PDE3B: variants seen among roughly 807,000 people sequenced by gnomAD.
PDE3B encodes the protein phosphodiesterase 3B.
A neutral mutation model predicts 116.8 loss-of-function variants in PDE3B; 66 were observed. That is an observed-to-expected ratio of 0.56 (90% CI 0.46 to 0.69). The LOEUF is 0.69. PDE3B is among the 30% of genes least tolerant of loss of function. The pLI is 0.00. For synonymous variants in PDE3B, 595 were observed against 533.6 expected (o/e 1.12, Z -1.59); for missense variants, 1,384 against 1,368.1 (o/e 1.01, Z -0.18).
chr11:14,853,482 T>G (rs782646088), intron 12 of PDE3B, among the ~76,000 whole-genome samples: 21 of 152,202 alleles, frequency 1.4e-4, no homozygotes, highest in Non-Finnish European at 5.9e-5. Context: ...TAACGAAGTT[T>G]ATGAGGCCTT....
intron 4 of PDE3B, 77 bp from the exon 5 acceptor site, chr11:14,803,867 A>G (rs2133934604): frequency 1.2e-6 from 1 of 831,288 alleles, no homozygotes; most frequent in Non-Finnish European, 2.0e-6. Context: ...TTTGCTAATT[A>G]AATTGAGAAC....
chr11:14,795,392 A>G (rs1858522464), intron 4 of PDE3B, among the ~76,000 whole-genome samples: 1 of 152,194 alleles, frequency 6.6e-6, no homozygotes. Flanking sequence ...CCTTCCTGCC[A>G]ACTATTAGTA....
the PDE3B span, chr11:14,887,727 T>C: frequency 1.4e-6 from 1 of 733,468 alleles, no homozygotes; most frequent in Non-Finnish European, 1.7e-6. Context: ...ACTCCATACA[T>C]CCTTCAAGTG....
chr11:14,673,946 A>T (rs1854454224), intron 1 of PDE3B: 4 of 1,365,530 alleles, frequency 2.9e-6, no homozygotes, highest in Non-Finnish European at 4.2e-6. Context: ...TGTTTCCACC[A>T]GATTTCTTGT....
intron 2 of PDE3B, among the ~76,000 whole-genome samples, chr11:14,778,743 A>G (rs946514649): frequency 1.1e-4 from 17 of 152,200 alleles, no homozygotes; most frequent in Non-Finnish European, 2.4e-4. Flanking sequence ...TGAAAATTCT[A>G]AAAATCAGAG....
At position 14,644,412 on chromosome 11, in the gene PDE3B, A is replaced by G; in HGVS notation, c.337A>G (p.Ser113Gly). The change falls in exon 1 of 16, where the codon AGC becomes GGC. Residue 113 changes from serine to glycine, a missense_variant. Around this residue, in one of 2 missense-constraint regions of PDE3B, gnomAD observed 956 missense variants for 806.8 expected, o/e 1.18. Transcript: ENST00000282096. ...GGCCGCCTGGCTGCGGACGCTGCTGAGCGTGTGTTCGCACAGCTTGAGCCC... is the reference window on the plus strand; with the variant it reads ...GGCCGCCTGGCTGCGGACGCTGCTGGGCGTGTGTTCGCACAGCTTGAGCCC... ...AGAAWLRTLL[S>G]VCSHSLSPLF... 1 of 1,610,176 alleles carries G rather than the reference A, an allele frequency of 6.2e-7. No individual in the cohort carries two copies. Among genetic ancestry groups the G allele is most frequent in the Non-Finnish European group, 8.5e-7 (1 of 1,178,620 alleles).
intron 5 of PDE3B, among the ~76,000 whole-genome samples, chr11:14,817,919 C>T (rs1859383923): frequency 6.6e-6 from 1 of 152,060 alleles, no homozygotes; most frequent in Non-Finnish European, 1.5e-5. Context: ...TTTAGTCATA[C>T]TGTTCACATT....
At chr11:14,772,979 A>G (rs1282690489) in intron 2 of PDE3B, 1 of 151,928 alleles carries the variant, frequency 6.6e-6, no homozygotes, top group East Asian at 1.9e-4. Flanking sequence ...ATGTTATTGT[A>G]CTTTCTAGGA....
chr11:14,780,016 A>G (rs1226840974), intron 2 of PDE3B, among the ~76,000 whole-genome samples: 1 of 152,096 alleles, frequency 6.6e-6, no homozygotes, highest in East Asian at 1.9e-4. Context: ...AGGGGTTGCA[A>G]TCCTAGTCTC....
chr11:14,848,489 G>C (rs1258836023), intron 12 of PDE3B, among the ~76,000 whole-genome samples: 2 of 151,864 alleles, frequency 1.3e-5, no homozygotes, highest in Non-Finnish European at 1.5e-5. Context: ...TTCGGGCCAG[G>C]GCAATTAGGC....
At chr11:14,847,078 A>G (rs1287738873) in intron 12 of PDE3B, among the ~76,000 whole-genome samples, 1 of 152,194 alleles carries the variant, frequency 6.6e-6, no homozygotes, top group African/African-American at 2.4e-5. Flanking sequence ...AAAATTGACC[A>G]TATAGTTGGA....
At chr11:14,680,381 G>A (rs890304575) in intron 1 of PDE3B, among the ~76,000 whole-genome samples, 8 of 152,066 alleles carry the variant, frequency 5.3e-5, no homozygotes, top group Non-Finnish European at 1.2e-4. Context: ...CTCCTTTGGT[G>A]CTGTTTGGCC....
chr11:14,834,463 T>A (rs1024852765), intron 10 of PDE3B, among the ~76,000 whole-genome samples: 2 of 152,198 alleles, frequency 1.3e-5, no homozygotes, highest in African/African-American at 2.4e-5. Context: ...TTTCACATAG[T>A]TGAATTTCAG....
chr11:14,739,413 T>C (rs1231633444), intron 1 of PDE3B, among the ~76,000 whole-genome samples: 2 of 152,186 alleles, frequency 1.3e-5, no homozygotes, highest in South Asian at 2.1e-4. Flanking sequence ...TTGCCTCTTA[T>C]TGGTATATAG....
chr11:14,696,508 T>C (rs970049800), intron 1 of PDE3B, among the ~76,000 whole-genome samples: 2 of 152,156 alleles, frequency 1.3e-5, no homozygotes, highest in African/African-American at 4.8e-5. Flanking sequence ...TTGTGTATCA[T>C]TGTCATTTTA....
At chr11:14,659,483 T>A (rs933189414) in intron 1 of PDE3B, among the ~76,000 whole-genome samples, 1 of 152,222 alleles carries the variant, frequency 6.6e-6, no homozygotes, top group Non-Finnish European at 1.5e-5. Flanking sequence ...CATAATTATT[T>A]AGCAAACTCT....
rs746923973 is a variant in PDE3B, at chr11:14,819,780, A to G, written c.1807+571A>G. Among the ~76,000 whole-genome samples, 73 of 152,172 alleles carry G rather than the reference A, an allele frequency of 4.8e-4. 1 individual carries two copies. The highest frequency in any genetic ancestry group is 9.3e-4 in the Non-Finnish European group (63 of 68,026). ...ATCTACTTGAAGCCATTGAAGAACT[A>G]AAAAAATCTTATGAATCACCAGTAC... On this transcript the variant is annotated intron_variant, in intron 7 of 15. Coordinates refer to ENST00000282096, the MANE Select transcript of PDE3B (RefSeq NM_000922.4).
chr11:14,862,117 C>G (rs1404525709), intron 14 of PDE3B, among the ~76,000 whole-genome samples: 2 of 152,194 alleles, frequency 1.3e-5, no homozygotes, highest in African/African-American at 4.8e-5. Context: ...GAGATCTTAC[C>G]AGGAAGCTGC....
intron 11 of PDE3B, among the ~76,000 whole-genome samples, chr11:14,838,103 C>T (rs926705491): frequency 7.2e-5 from 11 of 152,098 alleles, no homozygotes; most frequent in South Asian, 4.2e-4. Context: ...CTCAGCCTCC[C>T]GAGTAGCTGG....
Sources: allele counts gnomAD v4.1 joint callset (sites outside exome capture counted in the v4.1 genomes callset), GRCh38; gene constraint gnomAD v4.1.1; regional missense constraint gnomAD v4.1.1; transcripts MANE v1.5; gene names NCBI Gene and HGNC (gene_info 2026-07-23, HGNC 2026-07-21).